PER2: variants seen among roughly 807,000 people sequenced by gnomAD.
The protein encoded by PER2 is period circadian regulator 2.
Under a neutral mutation model 121.0 loss-of-function variants are expected in PER2, and 66 were observed. That is an observed-to-expected ratio of 0.55 (90% CI 0.45 to 0.67). The LOEUF (loss-of-function observed/expected upper bound fraction) is 0.67. PER2 is among the 30% of genes least tolerant of loss of function. PER2 has a pLI of 0.00. For synonymous variants in PER2, 684 were observed against 659.9 expected (o/e 1.04, Z -0.56); for missense variants, 1,521 against 1,635.0 (o/e 0.93, Z 1.20).
upstream of PER2, chr2:238,289,199 A>C (rs1559340138): frequency 6.6e-6 from 1 of 151,900 alleles, no homozygotes; most frequent in Admixed American, 6.6e-5. Flanking sequence ...GGAGACCTCC[A>C]CCTCCGGCCA....
rs759548389 is a variant in PER2, at chr2:238,253,403, C to G, written c.2620G>C (p.Ala874Pro). ...GGCACAGCAGGCACTGTGAAGCTGGCGTGGGGAGGTGCCGGGGGTGCTGCC... is the reference window on the plus strand; with the variant it reads ...GGCACAGCAGGCACTGTGAAGCTGGGGTGGGGAGGTGCCGGGGGTGCTGCC... ...TVAAPPAPPH[A>P]SFTVPAVPVD... Residue 874 changes from alanine (A) to proline (P), a missense_variant, in exon 19 of 23, where the codon GCC becomes CCC. Transcript: ENST00000254657. This position sits in a 1 kb window ranked among gnomAD's most constrained non-coding sequence, Gnocchi z 5.6. The G allele has an allele frequency of 6.2e-7, 1 of 1,609,600 alleles. No individual in the cohort carries two copies. The highest frequency in any genetic ancestry group is 1.7e-5 in the Admixed American group (1 of 59,864).
At chr2:238,266,111 G>A (rs933787978) in intron 8 of PER2, among the ~76,000 whole-genome samples, 15 of 151,854 alleles carry the variant, frequency 9.9e-5, no homozygotes, top group African/African-American at 1.7e-4. Flanking sequence ...CACCGTGTTG[G>A]CCAGGATGGT....
chr2:238,249,146 C>T lies in PER2; in HGVS notation c.3534G>A (p.Arg1178=), dbSNP rs369178394. 2.7e-5 allele frequency: 44 copies of T among 1,614,028 alleles called. No individual in the cohort carries two copies. The highest frequency in any genetic ancestry group is 3.7e-5 in the Non-Finnish European group (44 of 1,179,972). ...KLKLLQKLQP[R]FTESQKQELR... ...GCTCCTGCTTCTGACTCTCCGTGAACCTGGGCTGGAGTTTCTGTAGGAGCT... is the reference window on the plus strand; with the variant it reads ...GCTCCTGCTTCTGACTCTCCGTGAATCTGGGCTGGAGTTTCTGTAGGAGCT... The change falls in exon 22 of 23, where the codon AGG becomes AGA. Residue 1178 remains arginine, a synonymous_variant. Transcript: ENST00000254657.
upstream of PER2, among the ~76,000 whole-genome samples, chr2:238,293,628 G>A (rs941586940): frequency 4.0e-5 from 6 of 151,794 alleles, no homozygotes; most frequent in Admixed American, 1.3e-4. Flanking sequence ...CCAGCTACTC[G>A]GGAGGCTAAG....
chr2:238,248,349 GGA>G (rs745512912), intron 22 of PER2, among the ~76,000 whole-genome samples: 41 of 152,224 alleles, frequency 2.7e-4, no homozygotes, highest in Non-Finnish European at 4.1e-4. Context: ...GCAGAGAGCA[GGA>G]GAGAGGGGCT....
chr2:238,259,856 G>A (rs1393679003), intron 14 of PER2, 113 bp downstream of exon 14: 5 of 674,488 alleles, frequency 7.4e-6, no homozygotes, highest in Non-Finnish European at 1.4e-5. Flanking sequence ...GGTGTGACAC[G>A]GCTACAAGGT....
intron 14 of PER2, 142 bp downstream of exon 14, chr2:238,259,827 T>C (rs1057127658): frequency 9.6e-6 from 6 of 623,400 alleles, no homozygotes; most frequent in Admixed American, 2.6e-5. Context: ...AGCTGCAGAC[T>C]GTGCTGAACG....
upstream of PER2, chr2:238,289,129 G>T (rs906121526): frequency 6.6e-6 from 1 of 152,190 alleles, no homozygotes; most frequent in Non-Finnish European, 1.5e-5. Context: ...GGAGCTGGGC[G>T]CGGGGCTCCT....
At chr2:238,278,100 C>CTCCT in intron 1 of PER2, 145 bp from the exon 2 acceptor site, 1 of 949,584 alleles carries the variant, frequency 1.1e-6, no homozygotes, top group East Asian at 2.6e-5. Flanking sequence ...CTCTCTCTCT[C>CTCCT]TCTTTCTTTC....
rs1392791324 is a variant in PER2, at chr2:238,273,199, A to G, written c.449-8T>C. 1.9e-6 allele frequency: 3 copies of G among 1,611,612 alleles called. No individual in the cohort carries two copies. The South Asian group carries it at 3.3e-5, about 18-fold the overall frequency. On this transcript the variant is annotated splice_polypyrimidine_tract_variant and splice_region_variant and intron_variant, in intron 4 of 22. Coordinates refer to ENST00000254657, the MANE Select transcript of PER2 (RefSeq NM_022817.3). ...GGTAATACTCTTCATTGGCTGCAGGAGAGACAGTGTTCACTCAGTGGGCAG... is the reference window on the plus strand; with the variant it reads ...GGTAATACTCTTCATTGGCTGCAGGGGAGACAGTGTTCACTCAGTGGGCAG...
At chr2:238,279,501 G>A (rs1009904974) in intron 1 of PER2, among the ~76,000 whole-genome samples, 1 of 152,206 alleles carries the variant, frequency 6.6e-6, no homozygotes, top group Non-Finnish European at 1.5e-5. Context: ...GCTCAGCTGT[G>A]TGGGGGCCTC....
In PER2 at chr2:238,283,977, C is replaced by T. The variant is rs369410638; in HGVS notation, c.-20+4372G>A. On this transcript the variant is annotated intron_variant, in intron 1 of 22. Transcript: ENST00000254657. ...CTGGGTTTCAGCTGGGTTCCACCACCTCCTATGTGATCTCGGACAAGTTCC... is the reference window on the plus strand; with the variant it reads ...CTGGGTTTCAGCTGGGTTCCACCACTTCCTATGTGATCTCGGACAAGTTCC... Among the ~76,000 whole-genome samples, 6 of 152,292 alleles carry T rather than the reference C, an allele frequency of 3.9e-5. No individual in the cohort carries two copies. In the East Asian group the frequency reaches 9.6e-4, roughly 24 times the overall value.
chr2:238,274,281 A>G (rs1025415347), intron 4 of PER2, among the ~76,000 whole-genome samples: 1 of 152,240 alleles, frequency 6.6e-6, no homozygotes, highest in African/African-American at 2.4e-5. Context: ...CAAAGGGGCC[A>G]GCTCGAGGCT....
At chr2:238,289,893 A>T (rs1020199275), upstream of PER2, 6 of 152,254 alleles carry the variant, frequency 3.9e-5, no homozygotes, top group African/African-American at 1.4e-4. Context: ...GAAGCCTGAG[A>T]CTTACAGGAC....
rs757503658 is a variant in PER2, at chr2:238,249,172, T to C, written c.3508A>G (p.Lys1170Glu). Residue 1170 changes from lysine to glutamate, a missense_variant, in exon 22 of 23, where the codon AAG becomes GAG. Transcript: ENST00000254657. ...CTGGGCTGGAGTTTCTGTAGGAGCT[T>C]CAGCTTCTCTCTGTCCTCCTTCAAA... The part of the protein sequence containing the change: ...AVLKEDREKL[K>E]LLQKLQPRFT... 2 of 1,613,806 alleles carry C rather than the reference T, an allele frequency of 1.2e-6. No homozygotes were observed. The highest frequency in any genetic ancestry group is 2.7e-5 in the African/African-American group (2 of 74,926).
At chr2:238,265,411 T>C (rs1013290365) in intron 9 of PER2, 101 bp downstream of exon 9, 2 of 757,092 alleles carry the variant, frequency 2.6e-6, no homozygotes, top group Non-Finnish European at 4.8e-6. Flanking sequence ...CATGTTTTTG[T>C]CCATTATCAT....
In PER2 at chr2:238,253,810, G is replaced by A; in HGVS notation, c.2321-108C>T. 1.2e-6 allele frequency: 1 copy of A among 852,396 alleles called. No individual in the cohort carries two copies. Among genetic ancestry groups the A allele is most frequent in the East Asian group, 2.6e-5 (1 of 37,806 alleles). 52.8% of individuals were successfully genotyped at this position (852,396 alleles called of 1,614,324 possible). ...CCAAATGCTGGCCCAGGGCCTGCCT[G>A]GTCCACCGAGCGGTTTTCCCTGATC... On this transcript the variant is annotated intron_variant, in intron 18 of 22. Coordinates refer to ENST00000254657, the MANE Select transcript of PER2 (RefSeq NM_022817.3). The surrounding 1 kb of genome is among the most constrained non-coding windows in gnomAD (Gnocchi z 5.6).
At chr2:238,276,428 T>C (rs1173693508) in intron 3 of PER2, among the ~76,000 whole-genome samples, 1 of 152,184 alleles carries the variant, frequency 6.6e-6, no homozygotes, top group Non-Finnish European at 1.5e-5. Flanking sequence ...AGAGCTAGGC[T>C]TTGCTCAGGA....
Position 238,262,354 on chromosome 2 carries a change from C to A in PER2, c.1154-10G>T. 1 of 1,613,800 alleles carries A rather than the reference C, an allele frequency of 6.2e-7. No homozygotes were observed. The highest frequency in any genetic ancestry group is 8.5e-7 in the Non-Finnish European group (1 of 1,179,828). ...CCGCCTGACTGCAGGACTAGGAGAGCAAAAGCCAGCATTCAGGGGAAAAGG... is the reference window on the plus strand; with the variant it reads ...CCGCCTGACTGCAGGACTAGGAGAGAAAAAGCCAGCATTCAGGGGAAAAGG... On this transcript the variant is annotated splice_polypyrimidine_tract_variant and intron_variant, in intron 10 of 22. Transcript: ENST00000254657.
Sources: gnomAD v4.1 joint callset for allele counts (sites outside exome capture counted in the v4.1 genomes callset) on GRCh38, gnomAD v4.1.1 for gene constraint, Gnocchi (gnomAD v3.1) non-coding constraint, MANE v1.5 for transcripts, NCBI Gene and HGNC (gene_info 2026-07-23, HGNC 2026-07-21) for gene names.